The following DLG2 variants were observed in gnomAD, a reference collection of about 807,000 sequenced individuals.
DLG2 encodes discs large MAGUK scaffold protein 2, also known as disks large homolog 2.
A neutral mutation model predicts 132.5 loss-of-function variants in DLG2; 45 were observed. The observed-to-expected ratio is 0.34, with a 90% CI of 0.27 to 0.44. DLG2 has a LOEUF of 0.44. Among genes scored for constraint, DLG2 ranks in the 20% least tolerant of loss-of-function variants. DLG2 has a pLI of 1.00. For missense variants in DLG2, 1,045 were observed against 1,196.9 expected (o/e 0.87, Z 1.87); for synonymous variants, 424 against 419.6 (o/e 1.01, Z -0.13).
At chr11:84,332,758 A>T (rs773424656) in intron 7 of DLG2, among the ~76,000 whole-genome samples, 1 of 152,172 alleles carries the variant, frequency 6.6e-6, no homozygotes, top group Admixed American at 6.5e-5. Flanking sequence ...TAGGCAGCAC[A>T]TCAGAAACAG....
chr11:85,342,328 C>CT (rs1417406795), intron 3 of DLG2, among the ~76,000 whole-genome samples: 13 of 150,292 alleles, frequency 8.6e-5, no homozygotes, highest in Non-Finnish European at 4.4e-5. Flanking sequence ...ACTTTTTAAA[C>CT]TTTTTTTGTT....
chr11:85,387,632 C>A (rs1211268823), intron 3 of DLG2, among the ~76,000 whole-genome samples: 1 of 152,108 alleles, frequency 6.6e-6, no homozygotes, highest in Admixed American at 6.5e-5. Context: ...TTGTTTAGGA[C>A]CTCAATAATG....
chr11:83,715,058 C>T (rs141453904), intron 18 of DLG2, among the ~76,000 whole-genome samples: 1,783 of 152,250 alleles, frequency 0.012, 33 homozygotes, highest in African/African-American at 0.04. Flanking sequence ...GGCACATATA[C>T]ACCATGGAAT....
intron 19 of DLG2, among the ~76,000 whole-genome samples, chr11:83,604,007 G>T (rs2058960963): frequency 6.6e-6 from 1 of 152,096 alleles, no homozygotes; most frequent in Non-Finnish European, 1.5e-5. Context: ...GGTATGAGTA[G>T]CTAAAAATAT....
intron 11 of DLG2, among the ~76,000 whole-genome samples, chr11:84,018,134 T>C (rs1156616065): frequency 6.6e-6 from 1 of 151,994 alleles, no homozygotes; most frequent in Non-Finnish European, 1.5e-5. Flanking sequence ...CTTTTCTTTT[T>C]TTCTGGTCAT....
intron 9 of DLG2, among the ~76,000 whole-genome samples, chr11:84,116,772 T>C (rs2093653267): frequency 6.6e-6 from 1 of 152,182 alleles, no homozygotes; most frequent in Non-Finnish European, 1.5e-5. Context: ...GCAGGATATA[T>C]AAACATAAAA....
intron 6 of DLG2, among the ~76,000 whole-genome samples, chr11:84,795,177 T>C (rs1167442497): frequency 6.6e-6 from 1 of 152,224 alleles, no homozygotes; most frequent in Non-Finnish European, 1.5e-5. Flanking sequence ...TCGCCGGACT[T>C]GGGCAGATGT....
chr11:84,910,311 G>A (rs570407450), intron 6 of DLG2, among the ~76,000 whole-genome samples: 3 of 152,276 alleles, frequency 2.0e-5, no homozygotes, highest in South Asian at 4.1e-4. Flanking sequence ...TACTGGTGAA[G>A]CTTCAATTTT....
At chr11:83,650,617 T>C (rs2069934977) in intron 18 of DLG2, among the ~76,000 whole-genome samples, 1 of 152,226 alleles carries the variant, frequency 6.6e-6, no homozygotes, top group Non-Finnish European at 1.5e-5. Context: ...TAATCCAATG[T>C]TCCCAGATAT....
chr11:83,691,511 G>T (rs2080995193), intron 18 of DLG2, among the ~76,000 whole-genome samples: 1 of 152,196 alleles, frequency 6.6e-6, no homozygotes, highest in Non-Finnish European at 1.5e-5. Context: ...TGAGCTGAAA[G>T]TGATGAAAAG....
At chr11:85,154,801 C>A in intron 4 of DLG2, 150 bp from the exon 5 acceptor site, 1 of 532,368 alleles carries the variant, frequency 1.9e-6, no homozygotes, top group Non-Finnish European at 3.3e-6. Flanking sequence ...AATGTACTAT[C>A]TAACCCATTT....
At chr11:83,842,338 G>A (rs1168537905) in intron 16 of DLG2, among the ~76,000 whole-genome samples, 1 of 152,144 alleles carries the variant, frequency 6.6e-6, no homozygotes, top group East Asian at 1.9e-4. Context: ...GCTCACGCCT[G>A]TAATCCCAGC....
intron 6 of DLG2, among the ~76,000 whole-genome samples, chr11:84,665,300 C>T (rs1398445581): frequency 1.3e-5 from 2 of 151,982 alleles, no homozygotes; most frequent in African/African-American, 2.4e-5. Flanking sequence ...ATTATTTAAT[C>T]CCATTTTACA....
At chr11:85,429,196 G>C (rs1022477715) in intron 3 of DLG2, among the ~76,000 whole-genome samples, 5 of 152,088 alleles carry the variant, frequency 3.3e-5, no homozygotes, top group Non-Finnish European at 5.9e-5. Context: ...TTCTACCAGA[G>C]GTACAAGGAG....
chr11:83,754,820 T>C (rs567579282), intron 18 of DLG2, among the ~76,000 whole-genome samples: 2 of 151,568 alleles, frequency 1.3e-5, no homozygotes, highest in East Asian at 3.9e-4. Context: ...GAAACAATAT[T>C]GGCAAAGATA....
chr11:83,888,338 C>T (rs2068589780), intron 15 of DLG2, among the ~76,000 whole-genome samples: 1 of 152,104 alleles, frequency 6.6e-6, no homozygotes, highest in Admixed American at 6.5e-5. Context: ...CATGAGTGAA[C>T]TCCCATTCAC....
intron 6 of DLG2, among the ~76,000 whole-genome samples, chr11:85,047,520 T>C (rs943002974): frequency 6.6e-6 from 1 of 151,818 alleles, no homozygotes; most frequent in Non-Finnish European, 1.5e-5. Context: ...AGGTTTAGCC[T>C]CAATGAACAT....
chr11:84,486,058 C>G (rs1413036066), intron 7 of DLG2, among the ~76,000 whole-genome samples: 1 of 152,036 alleles, frequency 6.6e-6, no homozygotes, highest in Non-Finnish European at 1.5e-5. Flanking sequence ...ACACATATGC[C>G]TTTTTCCACA....
chr11:85,318,001 T>A (rs2080808129), intron 3 of DLG2, among the ~76,000 whole-genome samples: 1 of 151,892 alleles, frequency 6.6e-6, no homozygotes, highest in South Asian at 2.1e-4. Flanking sequence ...AGCACACATC[T>A]GAGGATAATT....
Sources: gnomAD v4.1 joint callset for allele counts (sites outside exome capture counted in the v4.1 genomes callset) on GRCh38, gnomAD v4.1.1 for gene constraint, MANE v1.5 for transcripts, NCBI Gene and HGNC (gene_info 2026-07-23, HGNC 2026-07-21) for gene names.